ANK2: variants seen among roughly 807,000 people sequenced by gnomAD.
The protein encoded by ANK2 is ankyrin 2.
In ANK2, 83 loss-of-function variants were observed where a neutral mutation model predicts 360.5. The observed-to-expected ratio is 0.23, with a 90% CI of 0.19 to 0.28. The LOEUF is 0.28. Ranked by LOEUF, ANK2 falls within the 10% of genes least tolerant of loss-of-function variation. The pLI is 1.00. For synonymous variants in ANK2, 1,740 were observed against 1,759.5 expected, an observed-to-expected ratio of 0.99 and a Z score of 0.28; for missense variants, 4,201 against 4,795.7, an observed-to-expected ratio of 0.88 and a Z score of 3.66.
chr4:113,009,095 A>AG (rs907094561), intron 2 of ANK2, among the ~76,000 whole-genome samples: 2 of 152,216 alleles, frequency 1.3e-5, no homozygotes, highest in African/African-American at 4.8e-5. Context: ...CTTGAATCAA[A>AG]GGTTTTAAAT....
At chr4:112,914,483 C>A (rs180891384) in intron 2 of ANK2, among the ~76,000 whole-genome samples, 1 of 151,936 alleles carries the variant, frequency 6.6e-6, no homozygotes, top group Non-Finnish European at 1.5e-5. Context: ...ATTAGCCGGG[C>A]GTGGTGGCAC....
At chr4:113,048,972 T>C (rs2065774169), upstream of ANK2, among the ~76,000 whole-genome samples, 2 of 150,352 alleles carry the variant, frequency 1.3e-5, no homozygotes, top group South Asian at 4.2e-4. Context: ...ACACTCCTGA[T>C]CTAAAGCTCT....
intron 4 of ANK2, among the ~76,000 whole-genome samples, chr4:113,202,220 G>A (rs2098839842): frequency 6.6e-6 from 1 of 152,128 alleles, no homozygotes; most frequent in Admixed American, 6.5e-5. Context: ...CCCCCTGTGT[G>A]TGAGCCAATC....
Position 113,365,096 on chromosome 4 carries a change from T to A in ANK2, c.10946T>A (p.Met3649Lys). Residue 3649 changes from methionine (M) to lysine (K), a missense_variant, in exon 41 of 46, where the codon ATG (methionine) becomes AAG (lysine). Physicochemically the swap from Met to Lys is moderately conservative, Grantham distance 95 (BLOSUM62 -1). Coordinates refer to ENST00000357077, the MANE Select transcript of ANK2 (RefSeq NM_001148.6). ...AACCGAATGGATATTGTTCATCTCA[T>A]GGAGACCAACACAGAACCTCTCCAG... Reference protein sequence around the residue: ...KINRMDIVHLMETNTEPLQER... With the variant: ...KINRMDIVHLKETNTEPLQER... The A allele has an allele frequency of 6.2e-7, 1 of 1,614,020 alleles. No homozygotes were observed. Among genetic ancestry groups the A allele is most frequent in the Non-Finnish European group, 8.5e-7 (1 of 1,179,916 alleles).
chr4:112,799,006 A>G, the ANK2 span, among the ~76,000 whole-genome samples: 1 of 151,954 alleles, frequency 6.6e-6, no homozygotes, highest in Non-Finnish European at 1.5e-5. Context: ...GGCAACCACC[A>G]TTTGCTTTCT....
intron 2 of ANK2, among the ~76,000 whole-genome samples, chr4:113,038,490 T>C (rs1446370845): frequency 6.6e-6 from 1 of 151,968 alleles, no homozygotes; most frequent in African/African-American, 2.4e-5. Flanking sequence ...TCAGCCTGTC[T>C]GCTTTCTCTC....
chr4:112,949,985 G>A (rs1561239374), intron 2 of ANK2, among the ~76,000 whole-genome samples: 2 of 152,198 alleles, frequency 1.3e-5, no homozygotes, highest in Admixed American at 6.5e-5. Flanking sequence ...AAGAAATGCA[G>A]TTGATCAATA....
intron 1 of ANK2, among the ~76,000 whole-genome samples, chr4:113,161,734 GCA>G (rs1044373856): frequency 4.1e-5 from 6 of 147,956 alleles, no homozygotes; most frequent in Admixed American, 6.7e-5. Flanking sequence ...GTGTGTGTGT[GCA>G]TGTGCATGTA....
chr4:113,025,648 T>G (rs2059128812), intron 2 of ANK2, among the ~76,000 whole-genome samples: 1 of 152,218 alleles, frequency 6.6e-6, no homozygotes, highest in African/African-American at 2.4e-5. Flanking sequence ...TAATTAGCTT[T>G]GTACATTATG....
chr4:112,994,743 A>G (rs2047982076), intron 2 of ANK2, among the ~76,000 whole-genome samples: 1 of 152,106 alleles, frequency 6.6e-6, no homozygotes, highest in Admixed American at 6.6e-5. Context: ...GCAGTTTTTC[A>G]ACCCTTTCTC....
At chr4:112,827,393 C>A in intron 1 of ANK2, 2 of 1,376,300 alleles carry the variant, frequency 1.5e-6, no homozygotes, top group Non-Finnish European at 2.1e-6. Flanking sequence ...ACAGCTCTTG[C>A]AGCTATTGGA....
At chr4:113,128,651 A>G (rs537240493) in intron 1 of ANK2, among the ~76,000 whole-genome samples, 1 of 151,994 alleles carries the variant, frequency 6.6e-6, no homozygotes. Flanking sequence ...CACTACGCCC[A>G]GCTAATTTTT....
intron 1 of ANK2, among the ~76,000 whole-genome samples, chr4:112,899,214 C>A (rs1480319985): frequency 6.6e-6 from 1 of 152,106 alleles, no homozygotes; most frequent in Non-Finnish European, 1.5e-5. Context: ...AAAGTAACTT[C>A]TTTAACAGAA....
the ANK2 span, among the ~76,000 whole-genome samples, chr4:112,806,673 TAAA>T: frequency 9.3e-5 from 14 of 151,038 alleles, no homozygotes; most frequent in African/African-American, 3.4e-4. Flanking sequence ...CTACAAAAAA[TAAA>T]AAAAATAGCC....
chr4:112,880,302 A>C (rs1248931105), intron 1 of ANK2: 1 of 152,186 alleles, frequency 6.6e-6, no homozygotes, highest in South Asian at 2.1e-4. Flanking sequence ...AGATTATAGA[A>C]TATTTCCATC....
the ANK2 span, among the ~76,000 whole-genome samples, chr4:112,805,390 A>G: frequency 1.3e-5 from 2 of 152,204 alleles, no homozygotes; most frequent in Non-Finnish European, 2.9e-5. Flanking sequence ...ACCAGGTAAC[A>G]TGAACCAAAA....
intron 1 of ANK2, among the ~76,000 whole-genome samples, chr4:113,142,070 G>T (rs948135823): frequency 2.0e-5 from 3 of 152,170 alleles, no homozygotes; most frequent in African/African-American, 7.2e-5. Flanking sequence ...TTGCCCTAAT[G>T]ACTTTGAAGC....
In ANK2 at chr4:113,358,283, C is replaced by A. The variant is rs2095939172; in HGVS notation, c.9665C>A (p.Thr3222Asn). The stretch of plus-strand genomic sequence containing the variant: ...ACAAAAGAAGCTGTTAGTGTAGGGA[C>A]CAAGGACCTCCCCACCGTGCAAACG... Reference protein sequence around the residue: ...TPTKEAVSVGTKDLPTVQTGD... With the variant: ...TPTKEAVSVGNKDLPTVQTGD... Residue 3222 changes from threonine (T) to asparagine (N), a missense_variant, in exon 38 of 46, where the codon ACC (threonine) becomes AAC (asparagine). By Grantham distance (65) the Thr-to-Asn change is moderately conservative. Around this residue, in one of 4 missense-constraint regions of ANK2, gnomAD observed 2,642 missense variants for 2,714.5 expected, o/e 0.97. Coordinates refer to ENST00000357077, the MANE Select transcript of ANK2 (RefSeq NM_001148.6). 2 of 1,613,474 alleles carry A rather than the reference C, an allele frequency of 1.2e-6. No individual in the cohort carries two copies. The highest frequency in any genetic ancestry group is 1.7e-5 in the Admixed American group (1 of 59,966).
chr4:112,934,872 G>A (rs2093600244), intron 2 of ANK2, among the ~76,000 whole-genome samples: 1 of 152,210 alleles, frequency 6.6e-6, no homozygotes, highest in Admixed American at 6.5e-5. Context: ...GAAGGGCAGA[G>A]GAGGGGATGT....
Sources: allele counts gnomAD v4.1 joint callset (sites outside exome capture counted in the v4.1 genomes callset), GRCh38; gene constraint gnomAD v4.1.1; regional missense constraint gnomAD v4.1.1; transcripts MANE v1.5; gene names NCBI Gene and HGNC (gene_info 2026-07-23, HGNC 2026-07-21).